PDE10A: variants seen among roughly 807,000 people sequenced by gnomAD.
PDE10A encodes cAMP and cAMP-inhibited cGMP 3',5'-cyclic phosphodiesterase 10A.
In PDE10A, 39 loss-of-function variants were observed where a neutral mutation model predicts 97.7. That is an observed-to-expected ratio of 0.40 (90% CI 0.31 to 0.52). The LOEUF (loss-of-function observed/expected upper bound fraction) is 0.52. Among genes scored for constraint, PDE10A ranks in the 20% least tolerant of loss-of-function variants. The probability of loss-of-function intolerance (pLI) is 0.56; values close to 1 mark genes in which losing one functional copy is unlikely to be tolerated. For missense variants in PDE10A, 731 were observed against 1,047.8 expected, an observed-to-expected ratio of 0.70 and a Z score of 4.17; for synonymous variants, 371 against 376.8, an observed-to-expected ratio of 0.98 and a Z score of 0.18.
Position 165,382,675 on chromosome 6 carries a change from G to C in PDE10A, c.2611-3309C>G, listed in dbSNP as rs539059160. On this transcript the variant is annotated intron_variant, in intron 17 of 21. Transcript: ENST00000539869. ...ATTAAAATATGTACAAAATATTTAAGTTTCTGGTTCATTGTAAGTACCCAA... is the reference window on the plus strand; with the variant it reads ...ATTAAAATATGTACAAAATATTTAACTTTCTGGTTCATTGTAAGTACCCAA... Among the ~76,000 whole-genome samples the C allele has an allele frequency of 9.5e-4, 144 of 152,060 alleles. 2 individuals are homozygous for C. The highest frequency in any genetic ancestry group is 1.7e-3 in the Non-Finnish European group (115 of 67,964).
intron 1 of PDE10A, among the ~76,000 whole-genome samples, chr6:165,802,812 C>T (rs1250880795): frequency 6.6e-6 from 1 of 152,184 alleles, no homozygotes; most frequent in Non-Finnish European, 1.5e-5. Context: ...ACCAACTGGA[C>T]CTATTTGCCT....
At chr6:165,854,006 G>A (rs1780643420) in intron 1 of PDE10A, among the ~76,000 whole-genome samples, 1 of 152,198 alleles carries the variant, frequency 6.6e-6, no homozygotes, top group African/African-American at 2.4e-5. Flanking sequence ...CAGAGGCTTT[G>A]GTGGGAAGCC....
At chr6:165,384,644 GTGTGTGTGTGTGTGTGTGTGTGTGTA>G (rs1562406318) in intron 17 of PDE10A, among the ~76,000 whole-genome samples, 1,169 of 63,094 alleles carry the variant, frequency 0.019, 108 homozygotes, top group African/African-American at 0.076. Flanking sequence ...GTGTGTGTGT[GTGTGTGTGTGTGTGTGTGTGTGTGTA>G]TGGGGGGGGG....
intron 1 of PDE10A, among the ~76,000 whole-genome samples, chr6:165,811,015 G>T (rs1401469596): frequency 6.6e-6 from 1 of 152,200 alleles, no homozygotes; most frequent in African/African-American, 2.4e-5. Flanking sequence ...CACAAGGTTA[G>T]GAGTTCGAGA....
At chr6:165,951,978 T>C (rs6934699) in intron 1 of PDE10A, among the ~76,000 whole-genome samples, 2,427 of 152,392 alleles carry the variant, frequency 0.016, 65 homozygotes, top group African/African-American at 0.055. Context: ...ATCATGAATT[T>C]ACTATGCCAG....
intron 1 of PDE10A, among the ~76,000 whole-genome samples, chr6:165,610,591 T>C (rs1442262381): frequency 6.6e-6 from 1 of 151,252 alleles, no homozygotes; most frequent in Non-Finnish European, 1.5e-5. Context: ...CAAATGGCAC[T>C]GGGAAAACTG....
intron 2 of PDE10A, among the ~76,000 whole-genome samples, chr6:165,534,949 T>C (rs1470561019): frequency 2.6e-5 from 4 of 152,068 alleles, no homozygotes; most frequent in Admixed American, 2.0e-4. Flanking sequence ...CCAGAGCAAT[T>C]ACACAAGAGA....
intron 1 of PDE10A, among the ~76,000 whole-genome samples, chr6:165,859,505 T>C (rs971192490): frequency 1.3e-5 from 2 of 152,166 alleles, no homozygotes; most frequent in African/African-American, 2.4e-5. Context: ...ATAAGGGATA[T>C]TACAAAGGAT....
In PDE10A at chr6:165,333,121, A is replaced by G. The variant is rs771988332; in HGVS notation, c.3072T>C (p.Asn1024=). 6.3e-7 allele frequency: 1 copy of G among 1,586,200 alleles called. No individual in the cohort carries two copies. Among genetic ancestry groups the G allele is most frequent in the South Asian group, 1.1e-5 (1 of 90,586 alleles). ...GAATCACCTTCTCCCACTGACTGAGATTATCCCTAGGGATAAAAGATGCAG... is the reference window on the plus strand; with the variant it reads ...GAATCACCTTCTCCCACTGACTGAGGTTATCCCTAGGGATAAAAGATGCAG... The part of the protein sequence containing the change: ...TEPLLKACRD[N]LSQWEKVIRG... The change falls in exon 22 of 22, where the codon AAT becomes AAC. Residue 1024 remains asparagine, a synonymous_variant. Coordinates refer to ENST00000539869, the MANE Select transcript of PDE10A (RefSeq NM_001385079.1).
intron 10 of PDE10A, among the ~76,000 whole-genome samples, chr6:165,427,197 A>T (rs1789227793): frequency 6.6e-6 from 1 of 152,186 alleles, no homozygotes; most frequent in African/African-American, 2.4e-5. Context: ...AAGAGCTAAG[A>T]TATGGAAACA....
chr6:165,397,692 A>AT, intron 13 of PDE10A, among the ~76,000 whole-genome samples: 1 of 132,868 alleles, frequency 7.5e-6, no homozygotes, highest in African/African-American at 3.1e-5. Context: ...ACAACGGTGA[A>AT]ACTCCATCTC....
intron 1 of PDE10A, among the ~76,000 whole-genome samples, chr6:165,601,834 A>G (rs915290288): frequency 6.6e-6 from 1 of 152,182 alleles, no homozygotes; most frequent in African/African-American, 2.4e-5. Context: ...AAGTCCCTAA[A>G]AATATAAAGA....
chr6:165,955,994 C>T (rs7767490), intron 1 of PDE10A, among the ~76,000 whole-genome samples: 10,748 of 152,172 alleles, frequency 0.071, 1,001 homozygotes, highest in African/African-American at 0.21. Flanking sequence ...TCAACAGTCA[C>T]GTCTATAAAA....
intron 1 of PDE10A, among the ~76,000 whole-genome samples, chr6:165,875,741 TTTTTTTG>T (rs1028666815): frequency 2.2e-4 from 8 of 36,718 alleles, no homozygotes; most frequent in African/African-American, 7.6e-4. Flanking sequence ...GTTTTTTTTT[TTTTTTTG>T]TGTGTGTGTG....
chr6:165,760,344 C>T (rs576422410), intron 1 of PDE10A, among the ~76,000 whole-genome samples: 50 of 152,268 alleles, frequency 3.3e-4, no homozygotes, highest in African/African-American at 1.2e-3. Flanking sequence ...CTGCAGCCAC[C>T]GAAAAACCAG....
chr6:165,818,353 C>T (rs996937677), intron 1 of PDE10A, among the ~76,000 whole-genome samples: 2 of 152,152 alleles, frequency 1.3e-5, no homozygotes, highest in East Asian at 1.9e-4. Context: ...ACCTGGCTAC[C>T]GAGGTTGGTT....
intron 1 of PDE10A, among the ~76,000 whole-genome samples, chr6:165,720,523 A>G (rs1792140124): frequency 6.6e-6 from 1 of 152,248 alleles, no homozygotes; most frequent in South Asian, 2.1e-4. Flanking sequence ...AATCAGAAAG[A>G]AAAACCTGTC....
At chr6:165,488,324 T>G (rs1780035547) in intron 2 of PDE10A, among the ~76,000 whole-genome samples, 1 of 152,228 alleles carries the variant, frequency 6.6e-6, no homozygotes, top group South Asian at 2.1e-4. Context: ...TTTAAAAGCC[T>G]TAGCAAGGAT....
chr6:165,761,794 AAAT>A (rs1793257477), intron 1 of PDE10A, among the ~76,000 whole-genome samples: 1 of 152,056 alleles, frequency 6.6e-6, no homozygotes, highest in Non-Finnish European at 1.5e-5. Context: ...CAATGATGTA[AAAT>A]AATAATATTA....
Sources: gnomAD v4.1 joint callset for allele counts (sites outside exome capture counted in the v4.1 genomes callset) on GRCh38, gnomAD v4.1.1 for gene constraint, MANE v1.5 for transcripts, NCBI Gene and HGNC (gene_info 2026-07-23, HGNC 2026-07-21) for gene names.